Variants in TANC1 observed in about 807,000 individuals in gnomAD.
The protein encoded by TANC1 is tetratricopeptide repeat, ankyrin repeat and coiled-coil containing 1, also known as protein TANC1.
A neutral mutation model predicts 149.7 loss-of-function variants in TANC1; 77 were observed. The ratio of observed to expected loss-of-function variants is 0.51; its 90% confidence interval spans 0.43 to 0.62. The LOEUF (loss-of-function observed/expected upper bound fraction) is 0.62, where lower values mean the gene tolerates loss of function less well. TANC1 is among the 20% of genes least tolerant of loss of function. The pLI, the probability that TANC1 is intolerant of heterozygous loss-of-function variation, is 0.00. For missense variants in TANC1, 1,985 were observed against 2,321.8 expected (o/e 0.85, Z 2.98); for synonymous variants, 854 against 925.0 (o/e 0.92, Z 1.39).
At chr2:159,177,044 G>C (rs1323457424) in intron 13 of TANC1, among the ~76,000 whole-genome samples, 2 of 151,498 alleles carry the variant, frequency 1.3e-5, no homozygotes, top group Non-Finnish European at 2.9e-5. Flanking sequence ...GGAGTAGCTG[G>C]GATTACAGGC....
At chr2:159,215,512 C>T (rs1020710255) in intron 19 of TANC1, among the ~76,000 whole-genome samples, 1 of 152,172 alleles carries the variant, frequency 6.6e-6, no homozygotes, top group Non-Finnish European at 1.5e-5. Context: ...TTGTAGGCAC[C>T]AGAGGAAGCA....
At chr2:159,029,116 A>ACTGTTTTATTTCTCTTGTGT (rs1220755575) in intron 2 of TANC1, among the ~76,000 whole-genome samples, 3 of 152,094 alleles carry the variant, frequency 2.0e-5, no homozygotes, top group African/African-American at 7.2e-5. Context: ...TCCTTCTGTG[A>ACTGTTTTATTTCTCTTGTGT]CTGTTTTATT....
At chr2:159,029,937 C>T (rs2039649911) in intron 2 of TANC1, among the ~76,000 whole-genome samples, 1 of 152,200 alleles carries the variant, frequency 6.6e-6, no homozygotes, top group African/African-American at 2.4e-5. Flanking sequence ...AGTCCTCCTG[C>T]TTTGACCTCC....
intron 2 of TANC1, among the ~76,000 whole-genome samples, chr2:159,036,812 A>G (rs929944696): frequency 7.2e-5 from 11 of 152,240 alleles, no homozygotes; most frequent in African/African-American, 7.2e-5. Context: ...TAGTTCCACA[A>G]TAAACATACA....
intron 4 of TANC1, among the ~76,000 whole-genome samples, chr2:159,133,133 A>G (rs2050276580): frequency 6.6e-6 from 1 of 152,178 alleles, no homozygotes; most frequent in Admixed American, 6.5e-5. Flanking sequence ...CTGAAGAGTT[A>G]AGGGGAGCAG....
chr2:159,087,633 A>G (rs1574569528), intron 3 of TANC1, among the ~76,000 whole-genome samples: 1 of 149,942 alleles, frequency 6.7e-6, no homozygotes. Context: ...TTTGCCTCCC[A>G]CAGGGTTGGG....
chr2:159,165,421 G>GT (rs2054488109), intron 8 of TANC1, among the ~76,000 whole-genome samples: 2 of 152,174 alleles, frequency 1.3e-5, no homozygotes, highest in African/African-American at 2.4e-5. Flanking sequence ...TGTGCTACAT[G>GT]TTTTTTAAAC....
In TANC1 at chr2:159,044,367, G is replaced by A. The variant is rs553142581; in HGVS notation, c.-15-21529G>A. Among the ~76,000 whole-genome samples, 15 of 152,266 alleles carry A rather than the reference G, an allele frequency of 9.9e-5. No individual in the cohort carries two copies. In the South Asian group the frequency reaches 3.1e-3, roughly 32 times the overall value. On this transcript the variant is annotated intron_variant, in intron 2 of 26. Coordinates refer to ENST00000263635, the MANE Select transcript of TANC1 (RefSeq NM_033394.3). Reference sequence around the variant, plus strand: ...GTGGGAGGATCGCTTGAGCCCAGGAGATTGAGGCTGCAGTGAGCTCTGATG... The same window carrying A: ...GTGGGAGGATCGCTTGAGCCCAGGAAATTGAGGCTGCAGTGAGCTCTGATG...
At chr2:159,031,179 A>G (rs1386913225) in intron 2 of TANC1, among the ~76,000 whole-genome samples, 1 of 152,234 alleles carries the variant, frequency 6.6e-6, no homozygotes, top group Non-Finnish European at 1.5e-5. Flanking sequence ...ACTGGATACA[A>G]GGTCAGGGCC....
intron 2 of TANC1, among the ~76,000 whole-genome samples, chr2:159,039,600 C>T (rs560832119): frequency 3.8e-4 from 58 of 152,206 alleles, no homozygotes; most frequent in African/African-American, 8.7e-4. Context: ...TGCCTTCATT[C>T]GTTATTTACC....
chr2:159,051,613 G>A (rs763613739), intron 2 of TANC1, among the ~76,000 whole-genome samples: 1 of 151,634 alleles, frequency 6.6e-6, no homozygotes, highest in Non-Finnish European at 1.5e-5. Context: ...TCCACCCATA[G>A]GAATTAGCTC....
At chr2:159,096,636 T>C (rs975595256) in intron 3 of TANC1, among the ~76,000 whole-genome samples, 1 of 152,116 alleles carries the variant, frequency 6.6e-6, no homozygotes, top group Non-Finnish European at 1.5e-5. Context: ...GACCACACAG[T>C]CTAAGCTAGT....
intron 1 of TANC1, among the ~76,000 whole-genome samples, chr2:158,983,468 CAA>C (rs35472970): frequency 0.26 from 23,204 of 88,302 alleles, 1,513 homozygotes; most frequent in South Asian, 0.43. Context: ...CTCCGTCTCC[CAA>C]AAAAAAAAAA....
chr2:159,173,306 C>G (rs1051606107), intron 11 of TANC1, among the ~76,000 whole-genome samples: 6 of 152,164 alleles, frequency 3.9e-5, no homozygotes, highest in African/African-American at 1.4e-4. Context: ...AATTGTGGCT[C>G]TAAATTGATT....
chr2:159,182,470 C>T (rs778916512), intron 14 of TANC1, among the ~76,000 whole-genome samples: 3 of 152,186 alleles, frequency 2.0e-5, no homozygotes, highest in Non-Finnish European at 4.4e-5. Flanking sequence ...AGTATGTTCA[C>T]ATCAGGATCC....
At chr2:159,029,873 G>A (rs1203638937) in intron 2 of TANC1, among the ~76,000 whole-genome samples, 1 of 152,046 alleles carries the variant, frequency 6.6e-6, no homozygotes. Context: ...TTAACATAGC[G>A]ATATGGGGTC....
intron 2 of TANC1, chr2:159,004,038 A>T: frequency 6.2e-7 from 1 of 1,612,326 alleles, no homozygotes. Context: ...AGATGATGGG[A>T]CAGTTATTCA....
At chr2:159,082,981 T>C (rs1172762367) in intron 3 of TANC1, among the ~76,000 whole-genome samples, 2 of 152,232 alleles carry the variant, frequency 1.3e-5, no homozygotes, top group African/African-American at 4.8e-5. Flanking sequence ...AGTCTTGCTT[T>C]GTCTCCCAGG....
Position 159,230,738 on chromosome 2 carries a change from C to G in TANC1, c.5312C>G (p.Ser1771Cys). Reference protein sequence around the residue: ...GLQSANTEKPSLMQVGGYNNQ... With the variant: ...GLQSANTEKPCLMQVGGYNNQ... ...CAGTCTGCTAACACTGAGAAGCCCT[C>G]TCTCATGCAAGTGGGAGGATATAAT... Residue 1771 changes from serine to cysteine, a missense_variant, in exon 27 of 27, where the codon TCT becomes TGT. This residue lies in a region of TANC1 where 920 missense variants were observed against 994.7 expected (regional missense o/e 0.92). Coordinates refer to ENST00000263635, the MANE Select transcript of TANC1 (RefSeq NM_033394.3). The surrounding 1 kb of genome is among the most constrained non-coding windows in gnomAD (Gnocchi z 4.4). The G allele has an allele frequency of 1.2e-6, 2 of 1,614,200 alleles. No individual in the cohort carries two copies. Among genetic ancestry groups the G allele is most frequent in the Non-Finnish European group, 1.7e-6 (2 of 1,180,046 alleles).
Sources: allele counts gnomAD v4.1 joint callset (sites outside exome capture counted in the v4.1 genomes callset), GRCh38; gene constraint gnomAD v4.1.1; regional missense constraint gnomAD v4.1.1; non-coding constraint Gnocchi (gnomAD v3.1); transcripts MANE v1.5; gene names NCBI Gene and HGNC (gene_info 2026-07-23, HGNC 2026-07-21).